CNTN5: variants seen among roughly 807,000 people sequenced by gnomAD.
CNTN5 encodes the protein contactin 5.
Under a neutral mutation model 129.1 loss-of-function variants are expected in CNTN5, and 77 were observed. The ratio of observed to expected loss-of-function variants is 0.60; its 90% CI spans 0.50 to 0.72. The LOEUF is 0.72. Ranked by LOEUF, CNTN5 falls within the 30% of genes least tolerant of loss-of-function variation. The pLI is 0.00. For synonymous variants in CNTN5, 509 were observed against 465.6 expected (o/e 1.09, Z -1.20); for missense variants, 1,478 against 1,328.8 (o/e 1.11, Z -1.75).
intron 8 of CNTN5, among the ~76,000 whole-genome samples, chr11:99,990,453 T>TACACACACAC (rs550501632): frequency 0.018 from 2,660 of 143,988 alleles, 31 homozygotes; most frequent in Middle Eastern, 0.036. Context: ...AATATATATA[T>TACACACACAC]ATACACACAC....
intron 1 of CNTN5, among the ~76,000 whole-genome samples, chr11:99,110,133 G>T (rs1477838210): frequency 2.0e-5 from 3 of 152,090 alleles, no homozygotes; most frequent in South Asian, 2.1e-4. Flanking sequence ...CTTCCTCAAA[G>T]AGTAGCATTT....
At chr11:99,139,678 C>T (rs535426989) in intron 1 of CNTN5, among the ~76,000 whole-genome samples, 57 of 151,978 alleles carry the variant, frequency 3.8e-4, no homozygotes, top group Non-Finnish European at 7.1e-4. Context: ...ATTAAATATT[C>T]CCTCAAGTAC....
At chr11:99,874,481 G>T (rs1488355359) in intron 6 of CNTN5, among the ~76,000 whole-genome samples, 2 of 152,118 alleles carry the variant, frequency 1.3e-5, no homozygotes, top group Non-Finnish European at 2.9e-5. Context: ...TCTTTCCTCA[G>T]GAGGGAATAT....
chr11:99,999,203 A>G (rs1274239597), intron 8 of CNTN5, among the ~76,000 whole-genome samples: 1 of 152,158 alleles, frequency 6.6e-6, no homozygotes, highest in Non-Finnish European at 1.5e-5. Flanking sequence ...AGAAACTACC[A>G]TCAGAGTGAA....
intron 13 of CNTN5, among the ~76,000 whole-genome samples, chr11:100,124,664 A>G (rs1051867548): frequency 1.3e-5 from 2 of 152,112 alleles, no homozygotes; most frequent in Admixed American, 6.6e-5. Context: ...TCAGCATACT[A>G]TCCACAGCAA....
chr11:100,119,095 AG>A (rs1447472438), intron 13 of CNTN5, among the ~76,000 whole-genome samples: 1 of 151,764 alleles, frequency 6.6e-6, no homozygotes, highest in Non-Finnish European at 1.5e-5. Flanking sequence ...TCACTCACCA[AG>A]GAACACTTAC....
At chr11:99,598,251 T>G (rs1349795550) in intron 3 of CNTN5, among the ~76,000 whole-genome samples, 1 of 51,582 alleles carries the variant, frequency 1.9e-5, no homozygotes, top group African/African-American at 6.9e-5. Context: ...TCCTTTTTCT[T>G]AGCTTTCCTT....
intron 1 of CNTN5, among the ~76,000 whole-genome samples, chr11:99,314,102 T>C (rs1420316428): frequency 6.6e-6 from 1 of 151,604 alleles, no homozygotes; most frequent in Non-Finnish European, 1.5e-5. Context: ...AATTTCAATA[T>C]CCCAATAGTC....
chr11:99,415,828 G>A (rs557117970), intron 2 of CNTN5, among the ~76,000 whole-genome samples: 2 of 152,144 alleles, frequency 1.3e-5, no homozygotes. Context: ...CAACACTTTA[G>A]AATGGTAGAG....
chr11:99,203,028 A>C (rs943055663), intron 1 of CNTN5, among the ~76,000 whole-genome samples: 3 of 152,116 alleles, frequency 2.0e-5, no homozygotes, highest in Non-Finnish European at 2.9e-5. Context: ...GAAGGCAGGC[A>C]GAGAGGGAGG....
intron 7 of CNTN5, among the ~76,000 whole-genome samples, chr11:99,945,635 T>C (rs2136128109): frequency 6.6e-6 from 1 of 152,150 alleles, no homozygotes; most frequent in Admixed American, 6.6e-5. Flanking sequence ...TCAGTGTTAT[T>C]ATCATTTCAT....
chr11:99,122,875 C>A (rs1029620959), intron 1 of CNTN5, among the ~76,000 whole-genome samples: 1 of 152,036 alleles, frequency 6.6e-6, no homozygotes, highest in Non-Finnish European at 1.5e-5. Context: ...AGGACATGGT[C>A]TCTTTCTTTC....
chr11:100,319,624 A>G (rs927066950), intron 21 of CNTN5, among the ~76,000 whole-genome samples: 4 of 152,198 alleles, frequency 2.6e-5, no homozygotes, highest in Non-Finnish European at 4.4e-5. Flanking sequence ...AGAATGCAAT[A>G]TATTAATTAG....
rs117086909 is a variant in CNTN5 at position 99,701,247 on chromosome 11, C to G, written c.56-118297C>G. On this transcript the variant is annotated intron_variant, in intron 3 of 24. Transcript: ENST00000524871. Reference sequence around the variant, plus strand: ...AATGAGCTTCATAAGGAAATAGGGACTAGAGTAAAGTGTAAAGTGGAAGAG... The same window carrying G: ...AATGAGCTTCATAAGGAAATAGGGAGTAGAGTAAAGTGTAAAGTGGAAGAG... Among the ~76,000 whole-genome samples the G allele has an allele frequency of 2.5e-4, 38 of 151,172 alleles. 1 individual carries two copies. In the East Asian group the frequency reaches 6.2e-3, roughly 25 times the overall value.
At position 100,357,058 on chromosome 11, in the gene CNTN5, A is replaced by G. The variant is rs1952540432; in HGVS notation, c.*838A>G. The G allele has an allele frequency of 1.3e-5, 2 of 151,874 alleles. No individual in the cohort carries two copies. The highest frequency in any genetic ancestry group is 2.4e-5 in the African/African-American group (1 of 41,534). 9.4% of individuals were successfully genotyped at this position (151,874 alleles called of 1,614,324 possible). The stretch of plus-strand genomic sequence containing the variant: ...GGGTGCTAACTTAAAAATGAGATGA[A>G]TATGGGACAGAGCGTTTCCATTTCT... On this transcript the variant is annotated 3_prime_UTR_variant, in exon 25 of 25. Transcript: ENST00000524871.
intron 3 of CNTN5, among the ~76,000 whole-genome samples, chr11:99,623,466 GT>G (rs1424467020): frequency 6.6e-6 from 1 of 152,038 alleles, no homozygotes; most frequent in Non-Finnish European, 1.5e-5. Context: ...TTCTTAGGAG[GT>G]AGCATCCATT....
At chr11:99,237,099 G>C (rs1265699104) in intron 1 of CNTN5, among the ~76,000 whole-genome samples, 1 of 151,720 alleles carries the variant, frequency 6.6e-6, no homozygotes, top group Non-Finnish European at 1.5e-5. Flanking sequence ...GTTTAATTCA[G>C]TGTAATTTTT....
At chr11:99,829,549 CTGCTCAT>C (rs1406351351) in intron 4 of CNTN5, among the ~76,000 whole-genome samples, 2 of 152,314 alleles carry the variant, frequency 1.3e-5, no homozygotes, top group East Asian at 3.9e-4. Flanking sequence ...AAGGTGAGTG[CTGCTCAT>C]TGGCGTTGAG....
chr11:99,249,078 T>C (rs1405020873), intron 1 of CNTN5, among the ~76,000 whole-genome samples: 2 of 152,190 alleles, frequency 1.3e-5, no homozygotes, highest in Admixed American at 1.3e-4. Context: ...TTTCATGATA[T>C]TGATTCTTCC....
Sources: allele counts gnomAD v4.1 joint callset (sites outside exome capture counted in the v4.1 genomes callset), GRCh38; gene constraint gnomAD v4.1.1; transcripts MANE v1.5; gene names NCBI Gene and HGNC (gene_info 2026-07-23, HGNC 2026-07-21).